Variants in SLC10A7 observed in about 807,000 individuals in gnomAD.
SLC10A7 encodes the protein sodium/bile acid cotransporter 7.
A neutral mutation model predicts 43.2 loss-of-function variants in SLC10A7; 29 were observed. The ratio of observed to expected loss-of-function variants is 0.67; its 90% CI spans 0.50 to 0.92. The LOEUF is 0.92. SLC10A7 is among the 40% of genes least tolerant of loss of function. SLC10A7 has a pLI of 0.00. For synonymous variants in SLC10A7, 152 were observed against 144.8 expected (o/e 1.05, Z -0.35); for missense variants, 295 against 403.2 (o/e 0.73, Z 2.30).
rs79947218 is a variant in SLC10A7, at chr4:146,366,311, C to T, written c.436-40315G>A. ...CCCAGTGGGATCTGAGGAAGCACTC[C>T]ATAATCAAACACCTTACATTCTGTA... is the stretch of plus-strand genomic sequence containing the variant. On this transcript the variant is annotated intron_variant, in intron 5 of 11. Coordinates refer to ENST00000335472, the MANE Select transcript of SLC10A7 (RefSeq NM_001029998.6). Among the ~76,000 whole-genome samples, 174 of 152,270 alleles carry T rather than the reference C, an allele frequency of 1.1e-3. 1 individual carries two copies. The East Asian group carries it at 0.02, about 17-fold the overall frequency.
At position 146,306,482 on chromosome 4, in the gene SLC10A7, A is replaced by C. The variant is rs1387887148; in HGVS notation, c.472-473T>G. 3.3e-5 allele frequency among the ~76,000 whole-genome samples: 5 copies of C among 152,298 alleles called. No individual in the cohort carries two copies. The East Asian group carries it at 7.7e-4, about 23-fold the overall frequency. ...ATATAATGAATCTCAGATCCCGTAG[A>C]ATTTTTTCTTACACAATGTCTAGCA... On this transcript the variant is annotated intron_variant, in intron 6 of 11. Coordinates refer to ENST00000335472, the MANE Select transcript of SLC10A7 (RefSeq NM_001029998.6).
chr4:146,451,415 G>GT (rs1731596486), intron 4 of SLC10A7, among the ~76,000 whole-genome samples: 1 of 151,544 alleles, frequency 6.6e-6, no homozygotes, highest in African/African-American at 2.4e-5. Flanking sequence ...ACCAGACAAG[G>GT]ACACAACACA....
At chr4:146,302,244 G>C (rs747689225) in intron 7 of SLC10A7, among the ~76,000 whole-genome samples, 8 of 152,194 alleles carry the variant, frequency 5.3e-5, no homozygotes, top group Admixed American at 2.0e-4. Context: ...ATAATCCACA[G>C]TTTAAACTGT....
intron 5 of SLC10A7, among the ~76,000 whole-genome samples, chr4:146,371,057 C>A (rs1257685571): frequency 6.6e-6 from 1 of 152,170 alleles, no homozygotes; most frequent in Non-Finnish European, 1.5e-5. Flanking sequence ...ATGTACAGCA[C>A]TTTTTCTAGA....
At chr4:146,454,968 T>G (rs1560924778) in intron 4 of SLC10A7, among the ~76,000 whole-genome samples, 1 of 151,874 alleles carries the variant, frequency 6.6e-6, no homozygotes, top group Non-Finnish European at 1.5e-5. Context: ...TGAATGAAAC[T>G]TACTTAAAAT....
intron 5 of SLC10A7, among the ~76,000 whole-genome samples, chr4:146,386,953 C>T (rs753431118): frequency 3.9e-5 from 6 of 152,188 alleles, no homozygotes; most frequent in Non-Finnish European, 7.3e-5. Context: ...CAATAAACAA[C>T]TACAAAATCA....
intron 11 of SLC10A7, among the ~76,000 whole-genome samples, chr4:146,257,700 G>A (rs76188284): frequency 0.056 from 8,564 of 152,260 alleles, 395 homozygotes; most frequent in South Asian, 0.21. Context: ...ACCCTAGGGT[G>A]TAGATATTAT....
chr4:146,476,985 T>A (rs1704726588), intron 4 of SLC10A7, among the ~76,000 whole-genome samples: 1 of 152,016 alleles, frequency 6.6e-6, no homozygotes, highest in Non-Finnish European at 1.5e-5. Context: ...CAGTTCTTTG[T>A]ACAATAAGCC....
At chr4:146,448,519 A>G (rs1188745683) in intron 4 of SLC10A7, among the ~76,000 whole-genome samples, 1 of 152,186 alleles carries the variant, frequency 6.6e-6, no homozygotes, top group East Asian at 1.9e-4. Flanking sequence ...AATTTTCATA[A>G]TGCTGGTCCA....
chr4:146,309,901 A>T (rs1002901937), intron 6 of SLC10A7, among the ~76,000 whole-genome samples: 1 of 152,120 alleles, frequency 6.6e-6, no homozygotes, highest in Non-Finnish European at 1.5e-5. Flanking sequence ...AGTTTGGGAT[A>T]TGGATTATCC....
chr4:146,431,638 A>C (rs1437578969), intron 5 of SLC10A7, among the ~76,000 whole-genome samples: 1 of 152,150 alleles, frequency 6.6e-6, no homozygotes, highest in Non-Finnish European at 1.5e-5. Context: ...ACTATACACA[A>C]ACATTAATTC....
intron 5 of SLC10A7, among the ~76,000 whole-genome samples, chr4:146,423,778 T>C (rs1158680923): frequency 2.6e-5 from 4 of 152,234 alleles, no homozygotes; most frequent in Admixed American, 1.3e-4. Context: ...GTGAGTTTTA[T>C]GTTTAAATGC....
chr4:146,489,547 G>A (rs1735211549), intron 4 of SLC10A7, among the ~76,000 whole-genome samples: 1 of 152,216 alleles, frequency 6.6e-6, no homozygotes, highest in Non-Finnish European at 1.5e-5. Flanking sequence ...TTGATGGCAA[G>A]AGCTTATTGT....
intron 9 of SLC10A7, among the ~76,000 whole-genome samples, chr4:146,286,608 C>G (rs111437999): frequency 8.8e-6 from 1 of 114,096 alleles, no homozygotes; most frequent in Admixed American, 9.0e-5. Context: ...AGGACCGTGT[C>G]TGGAGTGGTG....
At chr4:146,290,793 G>A (rs879899742) in intron 9 of SLC10A7, among the ~76,000 whole-genome samples, 1 of 152,142 alleles carries the variant, frequency 6.6e-6, no homozygotes, top group Non-Finnish European at 1.5e-5. Context: ...CCATGAGTTT[G>A]AGGCTGTAGC....
intron 5 of SLC10A7, among the ~76,000 whole-genome samples, chr4:146,333,680 T>A (rs758017996): frequency 6.6e-6 from 1 of 151,932 alleles, no homozygotes; most frequent in Non-Finnish European, 1.5e-5. Flanking sequence ...AAAAGACAGA[T>A]GAATCAGAAA....
intron 5 of SLC10A7, among the ~76,000 whole-genome samples, chr4:146,435,614 A>G (rs1473469146): frequency 1.3e-5 from 2 of 152,190 alleles, no homozygotes; most frequent in East Asian, 3.8e-4. Flanking sequence ...TATTAGCTCA[A>G]CAAATAGATT....
At chr4:146,496,411 C>T (rs1244052721) in intron 4 of SLC10A7, among the ~76,000 whole-genome samples, 1 of 152,112 alleles carries the variant, frequency 6.6e-6, no homozygotes, top group East Asian at 1.9e-4. Context: ...GTCTCCTGTC[C>T]CTCTTTCTCT....
chr4:146,474,644 C>A (rs72729899), intron 4 of SLC10A7, among the ~76,000 whole-genome samples: 2,146 of 151,762 alleles, frequency 0.014, 22 homozygotes, highest in Non-Finnish European at 0.022. Flanking sequence ...GTAAAGAAGG[C>A]AATAAGGACA....
Sources: allele counts gnomAD v4.1 joint callset (sites outside exome capture counted in the v4.1 genomes callset), GRCh38; gene constraint gnomAD v4.1.1; transcripts MANE v1.5; gene names NCBI Gene and HGNC (gene_info 2026-07-23, HGNC 2026-07-21).